INTS8: variants seen among roughly 807,000 people sequenced by gnomAD.
INTS8 encodes the protein protein kaonashi-1.
INTS8 carries 47 observed loss-of-function variants against 138.9 expected under a neutral mutation model. The observed-to-expected ratio is 0.34, with a 90% CI of 0.27 to 0.43. INTS8 has a LOEUF of 0.43. Among genes scored for constraint, INTS8 ranks in the 20% least tolerant of loss-of-function variants. INTS8 has a pLI of 1.00. For synonymous variants in INTS8, 392 were observed against 400.9 expected (o/e 0.98, Z 0.27); for missense variants, 996 against 1,173.0 (o/e 0.85, Z 2.20).
chr8:94,872,454 G>C (rs1306860704), intron 21 of INTS8, among the ~76,000 whole-genome samples: 3 of 152,138 alleles, frequency 2.0e-5, no homozygotes, highest in Non-Finnish European at 2.9e-5. Context: ...GGCTGATCTT[G>C]AACTCCTGAC....
intron 10 of INTS8, among the ~76,000 whole-genome samples, chr8:94,847,763 G>A (rs1371046308): frequency 6.6e-6 from 1 of 152,008 alleles, no homozygotes; most frequent in African/African-American, 2.4e-5. Context: ...CTTATTAGAA[G>A]TTACATGTTC....
In INTS8 at chr8:94,867,521, C is replaced by CTT. The variant is rs35100522; in HGVS notation, c.2414+203_2414+204dup. 338 of 238,982 alleles carry CTT rather than the reference C, an allele frequency of 1.4e-3. 1 individual carries two copies. The highest frequency in any genetic ancestry group is 2.0e-3 in the African/African-American group (62 of 31,094). The allele number at this position is 238,982 out of a possible 1,614,324, so 14.8% of individuals were successfully genotyped here. ...TGTAAATTGTGGATAAGGCATAACC[C>CTT]TTTTTTTTTTTTTTTTTTTTGAGGC... On this transcript the variant is annotated intron_variant, in intron 20 of 26. Coordinates refer to ENST00000523731, the MANE Select transcript of INTS8 (RefSeq NM_017864.4).
At chr8:94,862,664 G>A (rs910894683) in intron 16 of INTS8, among the ~76,000 whole-genome samples, 11 of 152,196 alleles carry the variant, frequency 7.2e-5, no homozygotes, top group Admixed American at 2.0e-4. Context: ...TTGTCACTTA[G>A]ATGTCTCTTC....
At position 94,824,898 on chromosome 8, in the gene INTS8, G is replaced by T; in HGVS notation, c.136G>T (p.Ala46Ser). 6.3e-7 allele frequency: 1 copy of T among 1,599,366 alleles called. No homozygotes were observed. Among genetic ancestry groups the T allele is most frequent in the Non-Finnish European group, 8.5e-7 (1 of 1,172,252 alleles). Residue 46 changes from alanine (A) to serine (S), a missense_variant, in exon 2 of 27, where the codon GCA (alanine) becomes TCA (serine). Transcript: ENST00000523731. The part of the protein sequence containing the change: ...KHLRKPCPDP[A>S]PVQLIVQFLE... ...TATTTTCTTTTAAACCCTAGATCCT[G>T]CACCAGTTCAACTTATAGTTCAGTT...
chr8:94,843,979 C>T (rs1182093427), intron 10 of INTS8, among the ~76,000 whole-genome samples: 5 of 150,336 alleles, frequency 3.3e-5, no homozygotes, highest in Non-Finnish European at 7.4e-5. Context: ...TTTTGAGGTA[C>T]CTTTTCCAAG....
intron 8 of INTS8, 110 bp downstream of exon 8, chr8:94,838,728 A>G (rs1338194766): frequency 2.8e-6 from 2 of 712,178 alleles, no homozygotes; most frequent in Non-Finnish European, 4.9e-6. Flanking sequence ...AGTCATTTAC[A>G]CTGTCATACT....
At chr8:94,851,300 T>A (rs1184342366) in intron 12 of INTS8, among the ~76,000 whole-genome samples, 1 of 152,214 alleles carries the variant, frequency 6.6e-6, no homozygotes, top group Non-Finnish European at 1.5e-5. Flanking sequence ...TTGATTTTTA[T>A]CTTGTTTATA....
chr8:94,865,683 A>T lies in INTS8; in HGVS notation c.2254A>T (p.Met752Leu). 6.2e-7 allele frequency: 1 copy of T among 1,612,902 alleles called. No homozygotes were observed. The highest frequency in any genetic ancestry group is 2.2e-5 in the East Asian group (1 of 44,876). Residue 752 changes from methionine (M) to leucine (L), a missense_variant, in exon 17 of 27, where the codon ATG (methionine) becomes TTG (leucine). Physicochemically the swap from Met to Leu is conservative, Grantham distance 15. Coordinates refer to ENST00000523731, the MANE Select transcript of INTS8 (RefSeq NM_017864.4). ...IKQRESTLGI[M>L]YRSELLSFIK... ...ACAGAGGGAATCTACGTTAGGTATCATGTATCGGTATGTATTGGTACGTTT... is the reference window on the plus strand; with the variant it reads ...ACAGAGGGAATCTACGTTAGGTATCTTGTATCGGTATGTATTGGTACGTTT...
At chr8:94,857,060 G>C in intron 15 of INTS8, 82 bp downstream of exon 15, 1 of 856,212 alleles carries the variant, frequency 1.2e-6, no homozygotes, top group East Asian at 2.8e-5. Flanking sequence ...AGATTTATTT[G>C]AGTTTGTAAT....
chr8:94,844,801 G>A (rs1339314971), intron 10 of INTS8, among the ~76,000 whole-genome samples: 34 of 137,184 alleles, frequency 2.5e-4, no homozygotes, highest in African/African-American at 9.4e-4. Flanking sequence ...TCACCCAGTT[G>A]GAGTGCAGTG....
Position 94,827,877 on chromosome 8 carries a change from A to G in INTS8, c.518+84A>G. On this transcript the variant is annotated intron_variant, in intron 4 of 26. Transcript: ENST00000523731. ...TTGCAAGTTTTTAATAACCTCTGTT[A>G]TAGAAGAAGTAGAGCAGGAATAGGA... is the stretch of plus-strand genomic sequence containing the variant. The G allele has an allele frequency of 3.6e-6, 4 of 1,110,710 alleles. No homozygotes were observed. In the South Asian group the frequency reaches 3.8e-5, roughly 10 times the overall value. 68.8% of individuals were successfully genotyped at this position (1,110,710 alleles called of 1,614,324 possible).
intron 10 of INTS8, 22 bp downstream of exon 10, chr8:94,842,510 C>G: frequency 6.3e-7 from 1 of 1,575,994 alleles, no homozygotes; most frequent in Non-Finnish European, 8.6e-7. Flanking sequence ...TTTTCTTTCC[C>G]CTTTTGATTT....
At chr8:94,830,467 A>T (rs536292762) in intron 5 of INTS8, among the ~76,000 whole-genome samples, 1 of 152,300 alleles carries the variant, frequency 6.6e-6, no homozygotes, top group East Asian at 1.9e-4. Flanking sequence ...TGAAGTATAC[A>T]GATATTTCTT....
At chr8:94,840,561 T>G (rs1405126639) in intron 8 of INTS8, among the ~76,000 whole-genome samples, 1 of 148,764 alleles carries the variant, frequency 6.7e-6, no homozygotes, top group Non-Finnish European at 1.5e-5. Flanking sequence ...TTTAATTAGT[T>G]TTTTTTTTTT....
chr8:94,881,591 C>A lies in INTS8; in HGVS notation c.*1357C>A, dbSNP rs532667648. On this transcript the variant is annotated 3_prime_UTR_variant, in exon 27 of 27. Transcript: ENST00000523731. ...GTAGTTCAGTGATACCAGTTCTACC[C>A]AATCTTGGTGAATTCCAACTTGTTT... is the stretch of plus-strand genomic sequence containing the variant. The A allele has an allele frequency of 1.5e-5, 24 of 1,605,336 alleles. 1 individual carries two copies. In the South Asian group the frequency reaches 2.2e-4, roughly 15 times the overall value.
intron 6 of INTS8, among the ~76,000 whole-genome samples, 183 bp from the exon 7 acceptor site, chr8:94,836,341 G>C (rs1814926515): frequency 6.6e-6 from 1 of 152,162 alleles, no homozygotes; most frequent in Non-Finnish European, 1.5e-5. Flanking sequence ...TTCTGCTTAA[G>C]TTGACCAGAG....
chr8:94,853,765 C>A (rs751481615), intron 13 of INTS8, 40 bp from the exon 14 acceptor site: 1 of 1,146,930 alleles, frequency 8.7e-7, no homozygotes, highest in Non-Finnish European at 1.3e-6. Flanking sequence ...TTGGCTTCCT[C>A]TATGTGTGCA....
intron 16 of INTS8, among the ~76,000 whole-genome samples, chr8:94,864,343 A>G (rs1389020075): frequency 2.6e-5 from 4 of 152,184 alleles, no homozygotes; most frequent in Non-Finnish European, 4.4e-5. Context: ...ATTTGAAATT[A>G]TCCTTGCTAC....
chr8:94,852,389 A>G (rs1441382387), intron 13 of INTS8, among the ~76,000 whole-genome samples: 2 of 152,186 alleles, frequency 1.3e-5, no homozygotes, highest in South Asian at 2.1e-4. Flanking sequence ...GAGTTTATCT[A>G]TTAGAAAGTT....
Sources: allele counts gnomAD v4.1 joint callset (sites outside exome capture counted in the v4.1 genomes callset), GRCh38; gene constraint gnomAD v4.1.1; transcripts MANE v1.5; gene names NCBI Gene and HGNC (gene_info 2026-07-23, HGNC 2026-07-21).